Variants in GRM1 observed in about 807,000 individuals in gnomAD.
GRM1 encodes the protein glutamate metabotropic receptor 1, also known as metabotropic glutamate receptor 1.
Under a neutral mutation model 90.9 loss-of-function variants are expected in GRM1, and 33 were observed. The observed-to-expected ratio is 0.36, with a 90% CI of 0.28 to 0.49. The LOEUF (loss-of-function observed/expected upper bound fraction) is 0.49, where lower values mean the gene tolerates loss of function less well. GRM1 is among the 20% of genes least tolerant of loss of function. The pLI is 0.99. For synonymous variants in GRM1, 700 were observed against 613.2 expected (o/e 1.14, Z -2.09); for missense variants, 1,190 against 1,534.3 (o/e 0.78, Z 3.75).
chr6:146,398,812 C>G lies in GRM1; in HGVS notation c.1773C>G (p.Ile591Met). 6.2e-7 allele frequency: 1 copy of G among 1,613,662 alleles called. No individual in the cohort carries two copies. The highest frequency in any genetic ancestry group is 8.5e-7 in the Non-Finnish European group (1 of 1,179,618). ...TGCGCTATCTTGAGTGGAGCAACAT[C>G]GAATCCATTATAGCCATCGCCTTTT... ...IPVRYLEWSN[I>M]ESIIAIAFSC... is the part of the protein sequence containing the mutation. The change falls in exon 7 of 8, where the codon ATC becomes ATG. Residue 591 changes from isoleucine (I) to methionine (M), a missense_variant. Physicochemically the swap from Ile to Met is conservative, Grantham distance 10. This residue lies in a region of GRM1 where 414 missense variants were observed against 598.4 expected (regional missense o/e 0.69). Coordinates refer to ENST00000282753, the MANE Select transcript of GRM1 (RefSeq NM_001278064.2).
intron 3 of GRM1, among the ~76,000 whole-genome samples, chr6:146,326,493 A>C (rs908493027): frequency 1.3e-5 from 2 of 152,178 alleles, no homozygotes; most frequent in Non-Finnish European, 2.9e-5. Flanking sequence ...AATGGGCACT[A>C]GGCTTAATAC....
intron 5 of GRM1, among the ~76,000 whole-genome samples, chr6:146,361,161 TA>T (rs1775452498): frequency 6.6e-6 from 1 of 152,206 alleles, no homozygotes; most frequent in Non-Finnish European, 1.5e-5. Flanking sequence ...GTGGGTCTCC[TA>T]TGGTCTGACC....
At chr6:146,143,726 A>G (rs562350823) in intron 1 of GRM1, among the ~76,000 whole-genome samples, 1 of 152,350 alleles carries the variant, frequency 6.6e-6, no homozygotes, top group South Asian at 2.1e-4. Flanking sequence ...GTTGAAAAAA[A>G]TCTGCTAAGC....
chr6:146,359,690 T>A (rs1277986691), intron 5 of GRM1, among the ~76,000 whole-genome samples: 2 of 152,172 alleles, frequency 1.3e-5, no homozygotes, highest in Non-Finnish European at 2.9e-5. Flanking sequence ...GAGAGGCCTT[T>A]GTTCTCCCCA....
chr6:146,120,049 G>T (rs568343112), intron 1 of GRM1, among the ~76,000 whole-genome samples: 2 of 152,204 alleles, frequency 1.3e-5, no homozygotes, highest in East Asian at 1.9e-4. Context: ...CCATTTTCAC[G>T]ATATTGATTA....
chr6:146,432,950 C>G (rs916272105), intron 7 of GRM1, among the ~76,000 whole-genome samples: 1 of 152,146 alleles, frequency 6.6e-6, no homozygotes, highest in Non-Finnish European at 1.5e-5. Flanking sequence ...TCCTGGCACC[C>G]TAAGACTCTT....
chr6:146,308,217 C>T (rs1443574737), intron 3 of GRM1, among the ~76,000 whole-genome samples: 1 of 152,152 alleles, frequency 6.6e-6, no homozygotes, highest in East Asian at 1.9e-4. Context: ...GGTCCAATAC[C>T]AGTTCAGTTA....
At chr6:146,193,193 G>C (rs1255404818) in intron 2 of GRM1, among the ~76,000 whole-genome samples, 1 of 152,142 alleles carries the variant, frequency 6.6e-6, no homozygotes, top group Non-Finnish European at 1.5e-5. Flanking sequence ...ATGTTAAATA[G>C]ACAGTTAGAT....
chr6:146,296,482 T>C lies in GRM1; in HGVS notation c.951-8129T>C, dbSNP rs144977288. On this transcript the variant is annotated intron_variant, in intron 2 of 7. Transcript: ENST00000282753. ...AAATACACAATACGTTATTATTAAC[T>C]ATAGTCACCACACTATGATACACTG... 1.7e-3 allele frequency among the ~76,000 whole-genome samples: 255 copies of C among 152,332 alleles called. 2 individuals carry two copies. In the Middle Eastern group the frequency reaches 0.02, roughly 12 times the overall value.
At chr6:146,255,575 C>A (rs1352340064) in intron 2 of GRM1, among the ~76,000 whole-genome samples, 3 of 152,102 alleles carry the variant, frequency 2.0e-5, no homozygotes, top group Non-Finnish European at 4.4e-5. Context: ...TAAGGTGTAT[C>A]ATTTCTCCTG....
At chr6:146,313,596 T>C (rs1388877188) in intron 3 of GRM1, among the ~76,000 whole-genome samples, 1 of 152,236 alleles carries the variant, frequency 6.6e-6, no homozygotes, top group Non-Finnish European at 1.5e-5. Context: ...AATAAAGTCA[T>C]ATTTTCAGCC....
chr6:146,028,818 G>GA (rs576623123), upstream of GRM1, among the ~76,000 whole-genome samples: 12 of 152,150 alleles, frequency 7.9e-5, no homozygotes, highest in Non-Finnish European at 1.6e-4. Flanking sequence ...ATTTTCTTCT[G>GA]AAAAAAAGTT....
intron 1 of GRM1, among the ~76,000 whole-genome samples, chr6:146,113,484 C>T (rs1054892130): frequency 5.9e-5 from 9 of 152,182 alleles, no homozygotes; most frequent in Non-Finnish European, 1.2e-4. Context: ...CTGTATAATT[C>T]AGGCCCTCCA....
chr6:146,086,510 G>T (rs1776550004), intron 1 of GRM1, among the ~76,000 whole-genome samples: 3 of 152,166 alleles, frequency 2.0e-5, no homozygotes, highest in Admixed American at 6.6e-5. Context: ...TGAAAGAGGG[G>T]CTGGGTACTA....
chr6:146,180,365 C>T (rs1435703174), intron 2 of GRM1, among the ~76,000 whole-genome samples: 1 of 152,018 alleles, frequency 6.6e-6, no homozygotes, highest in Non-Finnish European at 1.5e-5. Context: ...TGAAGTAAAA[C>T]TAAGATTTGG....
chr6:146,413,786 G>A (rs1442917657), intron 7 of GRM1, among the ~76,000 whole-genome samples: 1 of 152,000 alleles, frequency 6.6e-6, no homozygotes. Flanking sequence ...TATTAATCTT[G>A]CCTGTTCTTG....
intron 3 of GRM1, among the ~76,000 whole-genome samples, chr6:146,325,586 T>C (rs576399635): frequency 1.3e-5 from 2 of 152,316 alleles, no homozygotes; most frequent in South Asian, 4.1e-4. Flanking sequence ...AGTCTACATG[T>C]GCAGAGGTTA....
chr6:146,420,664 A>C (rs759095005), intron 7 of GRM1, among the ~76,000 whole-genome samples: 34 of 152,234 alleles, frequency 2.2e-4, no homozygotes, highest in Non-Finnish European at 5.9e-5. Context: ...AACAGACAAT[A>C]GAAGCAGACC....
intron 3 of GRM1, among the ~76,000 whole-genome samples, chr6:146,315,763 T>A (rs184991291): frequency 1.3e-5 from 2 of 152,324 alleles, no homozygotes; most frequent in East Asian, 3.9e-4. Context: ...CTGTCCAAGT[T>A]GAGAGCCTGC....
Sources: allele counts gnomAD v4.1 joint callset (sites outside exome capture counted in the v4.1 genomes callset), GRCh38; gene constraint gnomAD v4.1.1; regional missense constraint gnomAD v4.1.1; transcripts MANE v1.5; gene names NCBI Gene and HGNC (gene_info 2026-07-23, HGNC 2026-07-21).